PTPRG: variants seen among roughly 807,000 people sequenced by gnomAD.
The protein encoded by PTPRG is protein tyrosine phosphatase receptor type G, also known as receptor-type tyrosine-protein phosphatase gamma.
Under a neutral mutation model 165.3 loss-of-function variants are expected in PTPRG, and 102 were observed. The observed-to-expected ratio is 0.62, with a 90% confidence interval of 0.53 to 0.73. The LOEUF (loss-of-function observed/expected upper bound fraction) is 0.73, where lower values mean the gene tolerates loss of function less well. Ranked by LOEUF, PTPRG falls within the 30% of genes least tolerant of loss-of-function variation. The pLI is 0.00. For missense variants in PTPRG, 1,866 were observed against 1,861.4 expected (o/e 1.00, Z -0.05); for synonymous variants, 675 against 669.5 (o/e 1.01, Z -0.13).
At chr3:62,281,304 A>G (rs994936626) in intron 26 of PTPRG, among the ~76,000 whole-genome samples, 3 of 152,010 alleles carry the variant, frequency 2.0e-5, no homozygotes, top group Admixed American at 6.6e-5. Context: ...CAACTGTAAT[A>G]AGTCCCCTAT....
chr3:61,786,920 T>C (rs1483513936), intron 2 of PTPRG, among the ~76,000 whole-genome samples: 1 of 152,206 alleles, frequency 6.6e-6, no homozygotes, highest in African/African-American at 2.4e-5. Flanking sequence ...AATTCTTTCT[T>C]AATTATCACC....
intron 7 of PTPRG, among the ~76,000 whole-genome samples, chr3:62,159,138 A>C (rs1704648164): frequency 6.6e-6 from 1 of 152,104 alleles, no homozygotes; most frequent in African/African-American, 2.4e-5. Flanking sequence ...CAGCCTGGGC[A>C]ACATGGCAAG....
chr3:62,234,294 A>G (rs1700973509), intron 14 of PTPRG, among the ~76,000 whole-genome samples: 1 of 152,208 alleles, frequency 6.6e-6, no homozygotes, highest in African/African-American at 2.4e-5. Context: ...TGTGATGAAT[A>G]AGTTTATGTG....
intron 1 of PTPRG, among the ~76,000 whole-genome samples, chr3:61,671,643 T>C (rs1702992331): frequency 6.7e-6 from 1 of 149,408 alleles, no homozygotes; most frequent in Non-Finnish European, 1.5e-5. Flanking sequence ...CCGTTCTCAA[T>C]GAGCTGTTGG....
At chr3:61,583,766 G>C (rs1700363738) in intron 1 of PTPRG, among the ~76,000 whole-genome samples, 1 of 152,046 alleles carries the variant, frequency 6.6e-6, no homozygotes, top group South Asian at 2.1e-4. Context: ...CTCAATTCCT[G>C]CTCCCTGAAG....
chr3:61,963,028 A>G (rs1281546860), intron 2 of PTPRG, among the ~76,000 whole-genome samples: 1 of 152,064 alleles, frequency 6.6e-6, no homozygotes, highest in Admixed American at 6.6e-5. Flanking sequence ...TCCCCACCCT[A>G]TCCTCCCACA....
chr3:61,751,256 C>A (rs1223687682), intron 2 of PTPRG, among the ~76,000 whole-genome samples: 2 of 152,140 alleles, frequency 1.3e-5, no homozygotes, highest in African/African-American at 2.4e-5. Flanking sequence ...GGGCCTGTTA[C>A]TTTGGGTACA....
intron 2 of PTPRG, among the ~76,000 whole-genome samples, chr3:61,763,144 T>C (rs190873243): frequency 2.0e-5 from 3 of 152,186 alleles, no homozygotes; most frequent in Admixed American, 2.0e-4. Context: ...GGATTAGCAC[T>C]GCTGCCTTAG....
At chr3:61,954,200 GAGGTTTGAATGT>G (rs2039969008) in intron 2 of PTPRG, among the ~76,000 whole-genome samples, 1 of 152,158 alleles carries the variant, frequency 6.6e-6, no homozygotes, top group Non-Finnish European at 1.5e-5. Context: ...GTTCCTTACT[GAGGTTTGAATGT>G]AGGTTTGAAT....
intron 4 of PTPRG, among the ~76,000 whole-genome samples, chr3:62,035,733 A>G (rs1699917764): frequency 6.6e-6 from 1 of 152,244 alleles, no homozygotes; most frequent in African/African-American, 2.4e-5. Flanking sequence ...TGACAGTGAC[A>G]TTTATCATTC....
chr3:61,657,244 C>T (rs992869641), intron 1 of PTPRG, among the ~76,000 whole-genome samples: 1 of 152,038 alleles, frequency 6.6e-6, no homozygotes, highest in African/African-American at 2.4e-5. Context: ...TAAGGACGTT[C>T]CTTTCCTCTG....
rs1251386153 is a variant in PTPRG at position 62,237,290 on chromosome 3, G to GT, written c.2375+5986dup. 3.3e-5 allele frequency among the ~76,000 whole-genome samples: 5 copies of GT among 151,982 alleles called. No individual in the cohort carries two copies. The highest frequency in any genetic ancestry group is 9.7e-5 in the African/African-American group (4 of 41,348). On this transcript the variant is annotated intron_variant, in intron 14 of 29. Transcript: ENST00000474889. This position sits in a 1 kb window ranked among gnomAD's most constrained non-coding sequence, Gnocchi z 4.5. ...GAAATGGGGGGTCAGAAGTCTAGAG[G>GT]TTTTTTTGTTTGTTTGTTTTGGTTA...
chr3:61,906,348 C>G (rs145045497), intron 2 of PTPRG, among the ~76,000 whole-genome samples: 1 of 151,132 alleles, frequency 6.6e-6, no homozygotes, highest in Non-Finnish European at 1.5e-5. Context: ...CCCAGCTCCT[C>G]GGGAGGCTGA....
chr3:61,620,115 AATG>A (rs1701410293), intron 1 of PTPRG, among the ~76,000 whole-genome samples: 1 of 152,138 alleles, frequency 6.6e-6, no homozygotes, highest in African/African-American at 2.4e-5. Context: ...GACTTTCTTG[AATG>A]ATGGCACTTC....
chr3:61,986,818 A>G (rs2040775206), intron 2 of PTPRG, among the ~76,000 whole-genome samples: 1 of 152,168 alleles, frequency 6.6e-6, no homozygotes, highest in Admixed American at 6.6e-5. Context: ...TCTTATTCTT[A>G]TTTTAGATGG....
chr3:61,929,704 C>T (rs1227811147), intron 2 of PTPRG, among the ~76,000 whole-genome samples: 1 of 152,208 alleles, frequency 6.6e-6, no homozygotes, highest in African/African-American at 2.4e-5. Flanking sequence ...CATCACACTT[C>T]AGAGTCGGTG....
At chr3:62,243,672 T>C (rs561174227) in intron 14 of PTPRG, 135 bp from the exon 15 acceptor site, 3 of 534,680 alleles carry the variant, frequency 5.6e-6, no homozygotes, top group Non-Finnish European at 9.6e-6. Flanking sequence ...TTGTATCTTG[T>C]TACTTTTACA....
At chr3:61,635,312 C>G (rs1027908835) in intron 1 of PTPRG, among the ~76,000 whole-genome samples, 3 of 149,404 alleles carry the variant, frequency 2.0e-5, no homozygotes, top group East Asian at 3.9e-4. Context: ...TAGTTTTTAC[C>G]AATTACCCTA....
At chr3:62,171,967 A>T (rs1041963397) in intron 8 of PTPRG, among the ~76,000 whole-genome samples, 1 of 152,070 alleles carries the variant, frequency 6.6e-6, no homozygotes, top group Non-Finnish European at 1.5e-5. Context: ...TTTTGTCTCT[A>T]TGAATTTGTC....
Sources: gnomAD v4.1 joint callset for allele counts (sites outside exome capture counted in the v4.1 genomes callset) on GRCh38, gnomAD v4.1.1 for gene constraint, Gnocchi (gnomAD v3.1) non-coding constraint, MANE v1.5 for transcripts, NCBI Gene and HGNC (gene_info 2026-07-23, HGNC 2026-07-21) for gene names.